IQGAP1: variants seen among roughly 807,000 people sequenced by gnomAD.
IQGAP1 encodes ras GTPase-activating-like protein IQGAP1.
IQGAP1 carries 66 observed loss-of-function variants against 215.6 expected under a neutral mutation model. That is an observed-to-expected ratio of 0.31 (90% confidence interval 0.25 to 0.38). IQGAP1 has a LOEUF of 0.38. Ranked by LOEUF, IQGAP1 falls within the 10% of genes least tolerant of loss-of-function variation. IQGAP1 has a pLI of 1.00. For missense variants in IQGAP1, 1,712 were observed against 1,997.1 expected (o/e 0.86, Z 2.72); for synonymous variants, 772 against 728.7 (o/e 1.06, Z -0.96).
At chr15:90,407,997 G>A (rs1964904110) in intron 2 of IQGAP1, among the ~76,000 whole-genome samples, 1 of 152,244 alleles carries the variant, frequency 6.6e-6, no homozygotes, top group Non-Finnish European at 1.5e-5. Context: ...TAGTTAATGT[G>A]TGAGAGTTTA....
intron 34 of IQGAP1, 64 bp downstream of exon 34, chr15:90,491,609 T>A: frequency 7.6e-7 from 1 of 1,323,928 alleles, no homozygotes; most frequent in Non-Finnish European, 1.1e-6. Context: ...CGAGAGACAG[T>A]AGCTGTTCAC....
intron 16 of IQGAP1, 41 bp downstream of exon 16, chr15:90,466,132 G>A (rs777492318): frequency 1.3e-6 from 2 of 1,597,362 alleles, no homozygotes; most frequent in South Asian, 2.2e-5. Context: ...GTGGAGGCTG[G>A]GGTGACAAGG....
chr15:90,428,246 C>G (rs2283442), intron 3 of IQGAP1, among the ~76,000 whole-genome samples: 28,084 of 151,768 alleles, frequency 0.19, 2,711 homozygotes, highest in Middle Eastern at 0.23. Flanking sequence ...CTAATTTAAA[C>G]AAATTTTAGT....
At chr15:90,418,358 G>A (rs1286852490) in intron 2 of IQGAP1, among the ~76,000 whole-genome samples, 2 of 152,040 alleles carry the variant, frequency 1.3e-5, no homozygotes, top group Non-Finnish European at 2.9e-5. Context: ...AGGCTGAGGT[G>A]GAAGGATCCC....
chr15:90,429,550 A>G (rs746463926), intron 3 of IQGAP1, 39 bp from the exon 4 acceptor site: 1 of 1,418,874 alleles, frequency 7.0e-7, no homozygotes, highest in East Asian at 2.3e-5. Context: ...ATTTGCTTCA[A>G]TACAGCCAAT....
chr15:90,400,201 C>T (rs1180431489), intron 2 of IQGAP1, among the ~76,000 whole-genome samples: 1 of 152,058 alleles, frequency 6.6e-6, no homozygotes, highest in African/African-American at 2.4e-5. Flanking sequence ...TCCATTATGC[C>T]TGTGGTGATT....
intron 15 of IQGAP1, among the ~76,000 whole-genome samples, chr15:90,457,379 G>A (rs192759174): frequency 1.1e-4 from 16 of 151,974 alleles, no homozygotes; most frequent in Admixed American, 9.8e-4. Flanking sequence ...TGTTATTGGT[G>A]AAGTTTTTTG....
At position 90,423,752 on chromosome 15, in the gene IQGAP1, A is replaced by G. The variant is rs113133962; in HGVS notation, c.156-2358A>G. 6.7e-3 allele frequency among the ~76,000 whole-genome samples: 1,014 copies of G among 152,322 alleles called. 10 individuals carry two copies. The highest frequency in any genetic ancestry group is 0.02 in the Middle Eastern group (6 of 294). On this transcript the variant is annotated intron_variant, in intron 2 of 37. Transcript: ENST00000268182. ...CAGTTGGCCTTTCTTCTCTGACCTG[A>G]CACCTGTGTTATATAAAGAGCATTC... is the stretch of plus-strand genomic sequence containing the variant.
intron 5 of IQGAP1, among the ~76,000 whole-genome samples, chr15:90,437,945 T>TA (rs1306806438): frequency 6.6e-6 from 1 of 152,216 alleles, no homozygotes; most frequent in Admixed American, 6.5e-5. Context: ...ACACATGACT[T>TA]ATACTTGCAC....
At chr15:90,484,741 C>A (rs1966103857) in intron 30 of IQGAP1, among the ~76,000 whole-genome samples, 1 of 152,242 alleles carries the variant, frequency 6.6e-6, no homozygotes, top group African/African-American at 2.4e-5. Context: ...GATATCCTGA[C>A]CTCATGATCT....
chr15:90,498,492 C>T (rs1596297144), intron 37 of IQGAP1, among the ~76,000 whole-genome samples: 2 of 152,150 alleles, frequency 1.3e-5, no homozygotes, highest in East Asian at 3.9e-4. Context: ...TCATGTTAGG[C>T]CAACCAGTCT....
At chr15:90,389,308 G>C (rs1426315065) in intron 1 of IQGAP1, among the ~76,000 whole-genome samples, 1 of 151,540 alleles carries the variant, frequency 6.6e-6, no homozygotes, top group African/African-American at 2.4e-5. Context: ...AGGAGAAGGG[G>C]CCTGGGGAAG....
chr15:90,396,372 C>CT (rs1359406472), intron 2 of IQGAP1, among the ~76,000 whole-genome samples: 2 of 152,136 alleles, frequency 1.3e-5, no homozygotes, highest in East Asian at 1.9e-4. Context: ...ATGCCCAGCA[C>CT]TTCTAGAATT....
intron 9 of IQGAP1, among the ~76,000 whole-genome samples, chr15:90,448,291 T>C (rs753351869): frequency 1.3e-5 from 2 of 152,166 alleles, no homozygotes; most frequent in Non-Finnish European, 2.9e-5. Flanking sequence ...TGGCTCCATA[T>C]TGGTGCTGAG....
At chr15:90,476,101 A>G (rs1000055867) in intron 23 of IQGAP1, among the ~76,000 whole-genome samples, 19 of 151,938 alleles carry the variant, frequency 1.3e-4, no homozygotes, top group Admixed American at 8.5e-4. Flanking sequence ...ACGTCTGGCA[A>G]ATTATATTTT....
chr15:90,426,410 G>A, intron 3 of IQGAP1, 144 bp downstream of exon 3: 2 of 853,912 alleles, frequency 2.3e-6, no homozygotes, highest in East Asian at 3.0e-5. Context: ...TGGCAGAATG[G>A]AGAAATTTGT....
chr15:90,448,644 C>T lies in IQGAP1; in HGVS notation c.985C>T (p.Gln329Ter), dbSNP rs910255492. 1 of 1,612,194 alleles carries T rather than the reference C, an allele frequency of 6.2e-7. No homozygotes were observed. The highest frequency in any genetic ancestry group is 1.3e-5 in the African/African-American group (1 of 74,958). The change falls in exon 10 of 38, where the codon CAG (glutamine) becomes TAG (stop). Residue 329 changes from glutamine to a stop codon, truncating the protein, a stop_gained. Transcript: ENST00000268182. LOFTEE classifies it high-confidence loss of function. ...GDALALFRAL[Q>*]SPALGLRGLQ... ...TGCACTGGCCTTGTTCAGGGCTCTG[C>T]AGTCACCAGCCCTGGGGCTTCGAGG...
At position 90,487,579 on chromosome 15, in the gene IQGAP1, A is replaced by G. The variant is rs1966144557; in HGVS notation, c.4245A>G (p.Glu1415=). The part of the protein sequence containing the change: ...TEILETPATS[E]QEAEHQRAMQ... The stretch of plus-strand genomic sequence containing the variant: ...TCCTAGAAACACCAGCCACCAGTGA[A>G]CAGGTAAAATTTAGGGTCTAACATA... The change falls in exon 33 of 38, where the codon GAA becomes GAG. Residue 1415 remains glutamate (E), a synonymous_variant. Transcript: ENST00000268182. 6.2e-7 allele frequency: 1 copy of G among 1,611,270 alleles called. No individual in the cohort carries two copies. Among genetic ancestry groups the G allele is most frequent in the African/African-American group, 1.3e-5 (1 of 74,866 alleles).
At chr15:90,424,818 A>T (rs1965197475) in intron 2 of IQGAP1, among the ~76,000 whole-genome samples, 1 of 151,982 alleles carries the variant, frequency 6.6e-6, no homozygotes, top group African/African-American at 2.4e-5. Context: ...CAGCCTGGGC[A>T]ACAGAGTGAG....
Sources: gnomAD v4.1 joint callset for allele counts (sites outside exome capture counted in the v4.1 genomes callset) on GRCh38, gnomAD v4.1.1 for gene constraint, MANE v1.5 for transcripts, NCBI Gene and HGNC (gene_info 2026-07-23, HGNC 2026-07-21) for gene names.